Variants in EBF1 observed in about 807,000 individuals in gnomAD.
EBF1 encodes transcription factor COE1.
In EBF1, 10 loss-of-function variants were observed where a neutral mutation model predicts 68.4. The ratio of observed to expected loss-of-function variants is 0.15; its 90% CI spans 0.09 to 0.25. The LOEUF is 0.25. Ranked by LOEUF, EBF1 falls within the 10% of genes least tolerant of loss-of-function variation. EBF1 has a pLI of 1.00. For missense variants in EBF1, 509 were observed against 794.4 expected (o/e 0.64, Z 4.32); for synonymous variants, 298 against 299.8 (o/e 0.99, Z 0.06).
intron 6 of EBF1, among the ~76,000 whole-genome samples, chr5:158,840,653 T>G (rs915669789): frequency 7.7e-5 from 7 of 91,008 alleles, no homozygotes; most frequent in Admixed American, 2.2e-4. Flanking sequence ...CTGTTTTTTT[T>G]TTTTTTTTTT....
intron 7 of EBF1, among the ~76,000 whole-genome samples, chr5:158,836,068 G>C (rs1051262112): frequency 6.6e-6 from 1 of 152,168 alleles, no homozygotes; most frequent in Non-Finnish European, 1.5e-5. Context: ...ATGCAGTTAG[G>C]AATGAACCAA....
At chr5:158,860,512 T>C (rs1288563011) in intron 6 of EBF1, among the ~76,000 whole-genome samples, 1 of 152,204 alleles carries the variant, frequency 6.6e-6, no homozygotes, top group Non-Finnish European at 1.5e-5. Flanking sequence ...GCCACCACCA[T>C]GTGGACAGGA....
At chr5:158,854,646 A>C (rs1010000589) in intron 6 of EBF1, among the ~76,000 whole-genome samples, 2 of 152,374 alleles carry the variant, frequency 1.3e-5, no homozygotes, top group South Asian at 4.1e-4. Context: ...TTAACCATGC[A>C]GGAAACAAAA....
intron 6 of EBF1, among the ~76,000 whole-genome samples, chr5:159,005,313 T>C (rs1315601945): frequency 6.6e-6 from 1 of 152,198 alleles, no homozygotes; most frequent in Admixed American, 6.5e-5. Flanking sequence ...TATGTGGTCT[T>C]CCCCTAAATA....
intron 6 of EBF1, 35 bp from the exon 7 acceptor site, chr5:158,840,145 G>T: frequency 1.9e-6 from 3 of 1,556,132 alleles, no homozygotes; most frequent in South Asian, 2.2e-5. Context: ...TTAGCATTTC[G>T]GTTTCTGACA....
In EBF1 at chr5:159,048,137, A is replaced by G. The variant is rs1463443206; in HGVS notation, c.554+25259T>C. On this transcript the variant is annotated intron_variant, in intron 6 of 15. Coordinates refer to ENST00000313708, the MANE Select transcript of EBF1 (RefSeq NM_024007.5). ...AGACAGAATGGTCTCCAGACATACA[A>G]TGAGCACTCAACAAACATTTGTGGT... Among the ~76,000 whole-genome samples the G allele has an allele frequency of 1.3e-5, 2 of 152,228 alleles. 1 individual carries two copies.
intron 8 of EBF1, among the ~76,000 whole-genome samples, chr5:158,805,683 C>T (rs980389688): frequency 2.6e-5 from 4 of 151,932 alleles, no homozygotes; most frequent in Non-Finnish European, 5.9e-5. Context: ...CTATTGAATT[C>T]TAGGAATCAT....
intron 6 of EBF1, among the ~76,000 whole-genome samples, chr5:158,883,661 C>T (rs1799416704): frequency 6.6e-6 from 1 of 151,964 alleles, no homozygotes; most frequent in Non-Finnish European, 1.5e-5. Context: ...TAGTTAGCCC[C>T]GTTTTACAAG....
chr5:159,071,928 G>A (rs1777863093), intron 6 of EBF1, among the ~76,000 whole-genome samples: 1 of 152,076 alleles, frequency 6.6e-6, no homozygotes, highest in Non-Finnish European at 1.5e-5. Context: ...AATAACAAAT[G>A]ATATTTTGGA....
At chr5:158,852,659 T>TA (rs1159241686) in intron 6 of EBF1, among the ~76,000 whole-genome samples, 2 of 152,210 alleles carry the variant, frequency 1.3e-5, no homozygotes, top group Non-Finnish European at 2.9e-5. Flanking sequence ...TTCTAGTCCA[T>TA]AAAAATATAA....
intron 10 of EBF1, among the ~76,000 whole-genome samples, chr5:158,761,456 G>A (rs1771434545): frequency 6.6e-6 from 1 of 152,202 alleles, no homozygotes; most frequent in South Asian, 2.1e-4. Context: ...AATAATGTGT[G>A]TTATTTGGCA....
At chr5:158,701,836 C>T (rs1452137382) in intron 15 of EBF1, among the ~76,000 whole-genome samples, 1 of 152,102 alleles carries the variant, frequency 6.6e-6, no homozygotes, top group East Asian at 1.9e-4. Context: ...ACTTTCCTAC[C>T]TCGCCTTCAT....
chr5:158,732,574 G>A (rs1209628900), intron 10 of EBF1, among the ~76,000 whole-genome samples: 1 of 151,796 alleles, frequency 6.6e-6, no homozygotes, highest in Admixed American at 6.6e-5. Flanking sequence ...GATTGACAGT[G>A]CTTACTTTTT....
intron 6 of EBF1, among the ~76,000 whole-genome samples, chr5:158,860,764 T>C (rs1342539607): frequency 3.9e-5 from 6 of 152,200 alleles, no homozygotes; most frequent in Admixed American, 3.9e-4. Context: ...TCCAAGCCCA[T>C]GGCGCATCTT....
chr5:158,941,971 A>G (rs1343767899), intron 6 of EBF1, among the ~76,000 whole-genome samples: 2 of 152,260 alleles, frequency 1.3e-5, no homozygotes, highest in East Asian at 3.8e-4. Context: ...ATATGTCTTT[A>G]GTAGTTTTCT....
intron 6 of EBF1, among the ~76,000 whole-genome samples, chr5:158,979,259 G>A (rs1356444818): frequency 6.6e-6 from 1 of 152,138 alleles, no homozygotes; most frequent in Non-Finnish European, 1.5e-5. Context: ...CAGAGAAATA[G>A]ATAGGTATAT....
chr5:158,971,697 G>A (rs1755683946), intron 6 of EBF1, among the ~76,000 whole-genome samples: 1 of 152,110 alleles, frequency 6.6e-6, no homozygotes, highest in Admixed American at 6.6e-5. Flanking sequence ...CAGTCCCAAA[G>A]CATGAAGAGG....
chr5:158,830,904 G>T (rs1244325627), intron 7 of EBF1, among the ~76,000 whole-genome samples: 2 of 152,138 alleles, frequency 1.3e-5, no homozygotes, highest in African/African-American at 2.4e-5. Context: ...AATTACATTC[G>T]CACTTTAAGG....
rs147185617 is a variant in EBF1, at chr5:159,073,479, C to G, written c.486-15G>C. ...CACAACAGCGGCTATGGAGCAAAAG[C>G]GAAAGGATTTAGTACAACCATTACA... On this transcript the variant is annotated splice_polypyrimidine_tract_variant and intron_variant, in intron 5 of 15. Transcript: ENST00000313708. 2 of 1,613,810 alleles carry G rather than the reference C, an allele frequency of 1.2e-6. No homozygotes were observed. The highest frequency in any genetic ancestry group is 1.1e-5 in the South Asian group (1 of 91,040).
Sources: gnomAD v4.1 joint callset for allele counts (sites outside exome capture counted in the v4.1 genomes callset) on GRCh38, gnomAD v4.1.1 for gene constraint, MANE v1.5 for transcripts, NCBI Gene and HGNC (gene_info 2026-07-23, HGNC 2026-07-21) for gene names.